CSMD1: variants seen among roughly 807,000 people sequenced by gnomAD.
The protein encoded by CSMD1 is CUB and sushi domain-containing protein 1.
In CSMD1, 213 loss-of-function variants were observed where a neutral mutation model predicts 417.5. That is an observed-to-expected ratio of 0.51 (90% CI 0.46 to 0.57). The LOEUF is 0.57. CSMD1 is among the 20% of genes least tolerant of loss of function. The pLI is 0.00. For missense variants in CSMD1, 6,923 were observed against 4,529.7 expected (o/e 1.53, Z -15.17); for synonymous variants, 2,862 against 1,736.8 (o/e 1.65, Z -16.11).
chr8:3,491,936 G>T (rs540759553), intron 11 of CSMD1, among the ~76,000 whole-genome samples: 1 of 152,144 alleles, frequency 6.6e-6, no homozygotes, highest in African/African-American at 2.4e-5. Context: ...CTGAGGATCC[G>T]GAGGCTTGCT....
chr8:4,456,788 T>G (rs1159249007), intron 2 of CSMD1, among the ~76,000 whole-genome samples: 1 of 151,936 alleles, frequency 6.6e-6, no homozygotes, highest in African/African-American at 2.4e-5. Context: ...ACCTACGAGG[T>G]AAGCTGAAGA....
rs373303532 is a variant in CSMD1 at position 3,686,310 on chromosome 8, C to G, written c.1009+22104G>C. 2.8e-4 allele frequency among the ~76,000 whole-genome samples: 42 copies of G among 152,266 alleles called. 1 individual carries two copies. The highest frequency in any genetic ancestry group is 6.8e-3 in the Middle Eastern group (2 of 294). On this transcript the variant is annotated intron_variant, in intron 7 of 69. Coordinates refer to ENST00000635120, the MANE Select transcript of CSMD1 (RefSeq NM_033225.6). The stretch of plus-strand genomic sequence containing the variant: ...AGAGACGTGTCATTGACAGCTAACA[C>G]TGTGACTTTCAGGAAGCGCCTTCAC...
intron 5 of CSMD1, among the ~76,000 whole-genome samples, chr8:3,980,070 A>C (rs1400758321): frequency 6.6e-6 from 1 of 152,196 alleles, no homozygotes; most frequent in Non-Finnish European, 1.5e-5. Context: ...CACAAGTAAC[A>C]TCTTCTATTC....
chr8:4,368,006 C>T (rs1415760431), intron 3 of CSMD1, among the ~76,000 whole-genome samples: 1 of 151,950 alleles, frequency 6.6e-6, no homozygotes, highest in East Asian at 1.9e-4. Context: ...AAGTGAGACA[C>T]CTTTTCTTGG....
At chr8:3,588,971 T>A (rs1210852454) in intron 8 of CSMD1, among the ~76,000 whole-genome samples, 1 of 152,046 alleles carries the variant, frequency 6.6e-6, no homozygotes. Flanking sequence ...AACAGGTATA[T>A]GGAAAGGTGC....
At chr8:3,773,462 T>C (rs987801001) in intron 5 of CSMD1, among the ~76,000 whole-genome samples, 1 of 152,078 alleles carries the variant, frequency 6.6e-6, no homozygotes, top group Admixed American at 6.6e-5. Context: ...AATTATTGTA[T>C]TTTTTGTAGA....
At chr8:3,004,662 C>G (rs1304539554) in intron 52 of CSMD1, among the ~76,000 whole-genome samples, 1 of 152,200 alleles carries the variant, frequency 6.6e-6, no homozygotes, top group Non-Finnish European at 1.5e-5. Context: ...ATTACTACCA[C>G]ACTTCATGAA....
intron 49 of CSMD1, among the ~76,000 whole-genome samples, chr8:3,057,063 T>G (rs1226038097): frequency 6.6e-6 from 1 of 152,076 alleles, no homozygotes; most frequent in Non-Finnish European, 1.5e-5. Flanking sequence ...TGGGTTTGCT[T>G]CAAGAGAAGA....
intron 5 of CSMD1, among the ~76,000 whole-genome samples, chr8:3,810,286 A>G (rs562834745): frequency 1.3e-5 from 2 of 152,308 alleles, no homozygotes; most frequent in South Asian, 4.1e-4. Context: ...CTGATGTTTC[A>G]CAGGACGAAG....
chr8:4,942,981 G>A (rs1808115820), intron 1 of CSMD1, among the ~76,000 whole-genome samples: 1 of 152,170 alleles, frequency 6.6e-6, no homozygotes, highest in Non-Finnish European at 1.5e-5. Flanking sequence ...CAGCTTCCCA[G>A]AAAGTCAGGC....
chr8:4,036,404 T>C (rs568798926), intron 3 of CSMD1, among the ~76,000 whole-genome samples: 49 of 152,326 alleles, frequency 3.2e-4, no homozygotes, highest in African/African-American at 1.1e-3. Flanking sequence ...TAGAAATGTA[T>C]TGACTTACAT....
intron 3 of CSMD1, among the ~76,000 whole-genome samples, chr8:4,042,000 G>C (rs955058160): frequency 4.6e-5 from 7 of 151,910 alleles, no homozygotes; most frequent in African/African-American, 1.7e-4. Context: ...CAAAAACAAA[G>C]CAAAACTAAG....
intron 37 of CSMD1, among the ~76,000 whole-genome samples, chr8:3,169,619 T>C (rs769860067): frequency 6.6e-6 from 1 of 152,212 alleles, no homozygotes. Context: ...TTAATACCAC[T>C]GAACTGTACG....
intron 3 of CSMD1, among the ~76,000 whole-genome samples, chr8:4,400,344 T>C (rs1046946440): frequency 1.3e-5 from 2 of 152,250 alleles, no homozygotes; most frequent in African/African-American, 4.8e-5. Context: ...GTGTGTGTTA[T>C]AAATTGTCAA....
chr8:3,558,655 CTCCAA>C, intron 10 of CSMD1, among the ~76,000 whole-genome samples: 2 of 150,402 alleles, frequency 1.3e-5, no homozygotes, highest in South Asian at 2.1e-4. Context: ...GTGTCCACTC[CTCCAA>C]TGATGAACGG....
intron 1 of CSMD1, among the ~76,000 whole-genome samples, chr8:4,709,192 G>C (rs10105216): frequency 0.12 from 18,596 of 152,154 alleles, 2,203 homozygotes; most frequent in African/African-American, 0.31. Flanking sequence ...GCTCACAATC[G>C]AGAGAGAGGA....
intron 12 of CSMD1, among the ~76,000 whole-genome samples, chr8:3,432,782 G>A (rs1301064103): frequency 1.3e-5 from 2 of 152,110 alleles, no homozygotes; most frequent in East Asian, 3.9e-4. Context: ...CCAAAGTCCT[G>A]GGATTACAGG....
At chr8:4,148,401 G>A (rs778553458) in intron 3 of CSMD1, among the ~76,000 whole-genome samples, 1 of 151,420 alleles carries the variant, frequency 6.6e-6, no homozygotes, top group Non-Finnish European at 1.5e-5. Flanking sequence ...ATAGCATTAG[G>A]AGATATACCT....
chr8:4,097,726 T>C (rs1266651755), intron 3 of CSMD1, among the ~76,000 whole-genome samples: 1 of 152,228 alleles, frequency 6.6e-6, no homozygotes, highest in African/African-American at 2.4e-5. Context: ...ATAAGGTTAA[T>C]ACTTAAAAAA....
Sources: allele counts gnomAD v4.1 joint callset (sites outside exome capture counted in the v4.1 genomes callset), GRCh38; gene constraint gnomAD v4.1.1; transcripts MANE v1.5; gene names NCBI Gene and HGNC (gene_info 2026-07-23, HGNC 2026-07-21).